Variants in FAM178B observed in about 807,000 individuals in gnomAD.
The protein encoded by FAM178B is protein FAM178B.
FAM178B carries 82 observed loss-of-function variants against 91.7 expected under a neutral mutation model. That is an observed-to-expected ratio of 0.89 (90% CI 0.75 to 1.07). FAM178B has a LOEUF of 1.07. Among genes scored for constraint, FAM178B ranks in the 50% least tolerant of loss-of-function variants. The probability of loss-of-function intolerance (pLI) is 0.00; values close to 1 mark genes in which losing one functional copy is unlikely to be tolerated. For synonymous variants in FAM178B, 368 were observed against 359.4 expected (o/e 1.02, Z -0.27); for missense variants, 769 against 846.7 (o/e 0.91, Z 1.14).
intron 12 of FAM178B, among the ~76,000 whole-genome samples, chr2:96,911,265 A>G (rs1559067925): frequency 6.6e-6 from 1 of 152,184 alleles, no homozygotes; most frequent in East Asian, 1.9e-4. Context: ...TGGGCCTGCA[A>G]CAAGGGCTGC....
intron 5 of FAM178B, among the ~76,000 whole-genome samples, chr2:96,964,377 T>C (rs2082118983): frequency 6.6e-6 from 1 of 152,114 alleles, no homozygotes; most frequent in Non-Finnish European, 1.5e-5. Flanking sequence ...AATGCTAACC[T>C]AGGGCGTGCA....
chr2:96,899,368 C>T (rs1432142604), intron 13 of FAM178B, among the ~76,000 whole-genome samples: 9 of 152,198 alleles, frequency 5.9e-5, no homozygotes, highest in Admixed American at 5.2e-4. Flanking sequence ...TCCCCAGTGC[C>T]AGTACCTGGC....
intron 8 of FAM178B, among the ~76,000 whole-genome samples, chr2:96,941,114 T>C (rs867512030): frequency 4.6e-5 from 7 of 152,268 alleles, no homozygotes; most frequent in African/African-American, 4.8e-5. Context: ...GAAATGTGTA[T>C]TGTGTATTCA....
At chr2:96,892,956 T>C (rs1272893836) in intron 14 of FAM178B, among the ~76,000 whole-genome samples, 1 of 152,198 alleles carries the variant, frequency 6.6e-6, no homozygotes, top group Non-Finnish European at 1.5e-5. Context: ...CGCACTAATA[T>C]TAGGCACAAC....
At chr2:96,942,924 C>T (rs2081758589) in intron 8 of FAM178B, among the ~76,000 whole-genome samples, 1 of 152,170 alleles carries the variant, frequency 6.6e-6, no homozygotes. Context: ...ACAAATGGTG[C>T]TGAGACAACT....
At chr2:96,933,942 C>T (rs1559082245) in intron 8 of FAM178B, among the ~76,000 whole-genome samples, 1 of 152,232 alleles carries the variant, frequency 6.6e-6, no homozygotes, top group African/African-American at 2.4e-5. Context: ...CTTTCATATC[C>T]TCCCAAATCT....
intron 5 of FAM178B, among the ~76,000 whole-genome samples, chr2:96,960,934 G>A (rs2082071295): frequency 6.6e-6 from 1 of 152,178 alleles, no homozygotes; most frequent in Non-Finnish European, 1.5e-5. Flanking sequence ...AGGTGGCATG[G>A]GCGTGGGCGG....
chr2:96,887,386 G>C (rs1415401921), intron 14 of FAM178B, among the ~76,000 whole-genome samples: 1 of 152,172 alleles, frequency 6.6e-6, no homozygotes, highest in Non-Finnish European at 1.5e-5. Context: ...GGCATTTCAG[G>C]GGGAGCCATG....
At chr2:96,946,813 C>T (rs769376044) in intron 8 of FAM178B, among the ~76,000 whole-genome samples, 8 of 152,196 alleles carry the variant, frequency 5.3e-5, no homozygotes, top group Non-Finnish European at 1.0e-4. Flanking sequence ...GCAGAGGTTA[C>T]GAAAAGGGAG....
rs190336831 is a variant in FAM178B at position 96,886,040 on chromosome 2, T to C, written c.1777-7547A>G. On this transcript the variant is annotated intron_variant, in intron 14 of 16. Transcript: ENST00000490605. Reference sequence around the variant, plus strand: ...TTCACTTACTGAATTGTCTCCGCGGTGTTGGCACGTCTGGCCAGAGCCTGG... The same window carrying C: ...TTCACTTACTGAATTGTCTCCGCGGCGTTGGCACGTCTGGCCAGAGCCTGG... Among the ~76,000 whole-genome samples the C allele has an allele frequency of 1.3e-4, 20 of 152,248 alleles. No homozygotes were observed. The East Asian group carries it at 3.7e-3, about 28-fold the overall frequency.
At chr2:96,950,020 G>GC in intron 7 of FAM178B, 2 of 985,826 alleles carry the variant, frequency 2.0e-6, no homozygotes, top group Non-Finnish European at 1.2e-6. Flanking sequence ...CTCCCCTCCA[G>GC]CCCCCTCGCA....
In FAM178B at chr2:96,961,470, G is replaced by A. The variant is rs955394381; in HGVS notation, c.735-1030C>T. Among the ~76,000 whole-genome samples the A allele has an allele frequency of 3.3e-5, 5 of 152,198 alleles. No homozygotes were observed. The South Asian group carries it at 1.0e-3, about 32-fold the overall frequency. On this transcript the variant is annotated intron_variant, in intron 5 of 16. Coordinates refer to ENST00000490605, the MANE Select transcript of FAM178B (RefSeq NM_001122646.3). ...CCCAGGGAGCAGAATCAGAGGGAGGGGAGAGGAAAAGAGGGCAACTTCCTC... is the reference window on the plus strand; with the variant it reads ...CCCAGGGAGCAGAATCAGAGGGAGGAGAGAGGAAAAGAGGGCAACTTCCTC...
intron 12 of FAM178B, among the ~76,000 whole-genome samples, chr2:96,918,923 A>G (rs550947372): frequency 1.3e-5 from 2 of 152,282 alleles, no homozygotes; most frequent in Admixed American, 1.3e-4. Context: ...TTACCAGTGC[A>G]TGCAGCCCCC....
At chr2:96,892,899 G>T (rs2080717034) in intron 14 of FAM178B, among the ~76,000 whole-genome samples, 1 of 152,132 alleles carries the variant, frequency 6.6e-6, no homozygotes, top group South Asian at 2.1e-4. Context: ...CAAGAGAAGG[G>T]GCATGCAGAC....
At chr2:96,912,901 C>T (rs940596496) in intron 12 of FAM178B, among the ~76,000 whole-genome samples, 3 of 152,098 alleles carry the variant, frequency 2.0e-5, no homozygotes, top group Non-Finnish European at 4.4e-5. Context: ...CTCTGAGCTC[C>T]GAAGAATCCA....
chr2:96,876,713 G>T (rs955921348), intron 16 of FAM178B, among the ~76,000 whole-genome samples: 6 of 151,876 alleles, frequency 4.0e-5, no homozygotes, highest in Admixed American at 1.3e-4. Context: ...ATAGGGGAAG[G>T]ACAAAAGAGG....
chr2:96,960,314 G>A lies in FAM178B; in HGVS notation c.861C>T (p.Arg287=). 1.9e-6 allele frequency: 3 copies of A among 1,551,770 alleles called. No homozygotes were observed. Among genetic ancestry groups the A allele is most frequent in the Non-Finnish European group, 1.7e-6 (2 of 1,146,992 alleles). Residue 287 remains arginine, a synonymous_variant, in exon 6 of 17, where the codon CGC becomes CGT. Transcript: ENST00000490605. The part of the protein sequence containing the change: ...CILDSSLLKP[R]SHLEGLFLSS... Reference sequence around the variant, plus strand: ...TGAGGAACAGCCCTTCCAGGTGGCTGCGTGGCTTCAGGAGTGAGGAGTCCA... The same window carrying A: ...TGAGGAACAGCCCTTCCAGGTGGCTACGTGGCTTCAGGAGTGAGGAGTCCA...
rs1189698747 is a variant in FAM178B at position 96,923,507 on chromosome 2, G to A, written c.1270C>T (p.Leu424=). The change falls in exon 10 of 17, where the codon CTG becomes TTG. Residue 424 remains leucine (L), a synonymous_variant. Coordinates refer to ENST00000490605, the MANE Select transcript of FAM178B (RefSeq NM_001122646.3). ...TGACTCACCTTGTAGATGTGGCCCA[G>A]GCTGATGTCCAAGGCAATCTCTTGG... is the stretch of plus-strand genomic sequence containing the variant. ...APQEIALDIS[L]GHIYKFLALC... is the part of the protein sequence containing the mutation. 6.4e-7 allele frequency: 1 copy of A among 1,551,660 alleles called. No homozygotes were observed. Among genetic ancestry groups the A allele is most frequent in the Non-Finnish European group, 8.7e-7 (1 of 1,146,948 alleles).
At chr2:96,980,366 G>A (rs2082346266) in intron 1 of FAM178B, among the ~76,000 whole-genome samples, 1 of 151,292 alleles carries the variant, frequency 6.6e-6, no homozygotes, top group African/African-American at 2.4e-5. Context: ...GTGAGCCACT[G>A]TGTCCGGTCT....
Sources: allele counts gnomAD v4.1 joint callset (sites outside exome capture counted in the v4.1 genomes callset), GRCh38; gene constraint gnomAD v4.1.1; transcripts MANE v1.5; gene names NCBI Gene and HGNC (gene_info 2026-07-23, HGNC 2026-07-21).